Variants in TRPM3 observed in about 807,000 individuals in gnomAD.
TRPM3 encodes the protein long transient receptor potential channel 3.
In TRPM3, 77 loss-of-function variants were observed where a neutral mutation model predicts 181.2. The ratio of observed to expected loss-of-function variants is 0.42; its 90% CI spans 0.35 to 0.51. TRPM3 has a LOEUF of 0.51. Among genes scored for constraint, TRPM3 ranks in the 20% least tolerant of loss-of-function variants. TRPM3 has a pLI of 0.01. For synonymous variants in TRPM3, 745 were observed against 796.4 expected (o/e 0.94, Z 1.09); for missense variants, 1,759 against 2,196.7 (o/e 0.80, Z 3.98).
intron 1 of TRPM3, among the ~76,000 whole-genome samples, chr9:70,986,821 G>A (rs985816957): frequency 1.1e-4 from 16 of 151,942 alleles, no homozygotes; most frequent in African/African-American, 3.1e-4. Flanking sequence ...AGGAGGACAC[G>A]GTATATCAGT....
intron 6 of TRPM3, among the ~76,000 whole-genome samples, chr9:70,805,226 G>T (rs1399677482): frequency 1.3e-5 from 2 of 151,132 alleles, no homozygotes; most frequent in Admixed American, 6.6e-5. Context: ...AGACTGGGGT[G>T]GGGGAGGTGG....
intron 1 of TRPM3, among the ~76,000 whole-genome samples, chr9:71,414,495 T>C (rs974435662): frequency 6.6e-6 from 1 of 152,108 alleles, no homozygotes; most frequent in African/African-American, 2.4e-5. Flanking sequence ...AACAGATCCA[T>C]TAAAATCATT....
chr9:70,833,935 G>T (rs1348877326), intron 5 of TRPM3, among the ~76,000 whole-genome samples: 1 of 152,088 alleles, frequency 6.6e-6, no homozygotes, highest in Non-Finnish European at 1.5e-5. Context: ...CTGAGAAGTG[G>T]GAAGGAACCT....
In TRPM3 at chr9:70,635,272, T is replaced by TAA. The variant is rs779696829; in HGVS notation, c.1582-13_1582-12dup. Reference sequence around the variant, plus strand: ...TGAGGGCCCATGTCTCTGAAAACAATAAAGAAGAATCAAACAGTTTTGCTA... The same window carrying TAA: ...TGAGGGCCCATGTCTCTGAAAACAATAAAAAGAAGAATCAAACAGTTTTGCTA... On this transcript the variant is annotated splice_polypyrimidine_tract_variant and intron_variant, in intron 11 of 25. Transcript: ENST00000677713. 6.2e-7 allele frequency: 1 copy of TAA among 1,613,348 alleles called. No individual in the cohort carries two copies. Among genetic ancestry groups the TAA allele is most frequent in the African/African-American group, 1.3e-5 (1 of 74,950 alleles).
chr9:71,074,856 T>C (rs1295348763), intron 1 of TRPM3, among the ~76,000 whole-genome samples: 1 of 152,130 alleles, frequency 6.6e-6, no homozygotes, highest in Admixed American at 6.6e-5. Flanking sequence ...AAAGGCTAAC[T>C]TGAAATAACC....
chr9:70,887,278 T>C (rs1474166290), intron 1 of TRPM3, among the ~76,000 whole-genome samples: 1 of 152,136 alleles, frequency 6.6e-6, no homozygotes, highest in African/African-American at 2.4e-5. Context: ...CCTTCCTAAC[T>C]CCAATGTTGA....
intron 1 of TRPM3, among the ~76,000 whole-genome samples, chr9:71,094,439 C>T (rs1200285668): frequency 1.3e-5 from 2 of 152,112 alleles, no homozygotes; most frequent in Non-Finnish European, 1.5e-5. Flanking sequence ...TCTAGTCCTG[C>T]ATATCCTCAT....
At chr9:70,546,535 T>G (rs554661550) in intron 25 of TRPM3, among the ~76,000 whole-genome samples, 2 of 152,286 alleles carry the variant, frequency 1.3e-5, no homozygotes, top group Non-Finnish European at 2.9e-5. Context: ...AGTGCGTGGC[T>G]TACTGCCTGG....
At chr9:71,096,704 TG>T (rs2067342556) in intron 1 of TRPM3, among the ~76,000 whole-genome samples, 1 of 151,700 alleles carries the variant, frequency 6.6e-6, no homozygotes, top group Non-Finnish European at 1.5e-5. Flanking sequence ...TTTATTTACC[TG>T]GGGTGTTGCA....
chr9:71,102,635 C>A (rs2134075618), intron 1 of TRPM3, among the ~76,000 whole-genome samples: 1 of 152,236 alleles, frequency 6.6e-6, no homozygotes, highest in African/African-American at 2.4e-5. Flanking sequence ...TCTTAATCAC[C>A]TTTTAGATTT....
chr9:70,851,312 CAT>C (rs2095221454), intron 3 of TRPM3, among the ~76,000 whole-genome samples: 1 of 152,194 alleles, frequency 6.6e-6, no homozygotes. Context: ...TATTAACTCA[CAT>C]AGTGTGAAGG....
chr9:71,281,804 G>GTA (rs2132197235), intron 1 of TRPM3, among the ~76,000 whole-genome samples: 1 of 152,272 alleles, frequency 6.6e-6, no homozygotes, highest in South Asian at 2.1e-4. Context: ...GATCACACCT[G>GTA]TAATCCCAGC....
chr9:71,440,335 T>G (rs1376827088), intron 1 of TRPM3, among the ~76,000 whole-genome samples: 2 of 152,174 alleles, frequency 1.3e-5, no homozygotes, highest in Non-Finnish European at 2.9e-5. Flanking sequence ...TACTGTACCA[T>G]ACAAATATTT....
intron 1 of TRPM3, among the ~76,000 whole-genome samples, chr9:71,216,354 T>A (rs191766244): frequency 1.4e-3 from 209 of 152,334 alleles, no homozygotes; most frequent in African/African-American, 4.7e-3. Context: ...CTCATAGATG[T>A]CTAGTTCATG....
intron 22 of TRPM3, among the ~76,000 whole-genome samples, chr9:70,576,925 G>A (rs2054178261): frequency 6.6e-6 from 1 of 152,128 alleles, no homozygotes; most frequent in Admixed American, 6.6e-5. Flanking sequence ...TCTCTGTCTG[G>A]AATGTTCCTT....
At chr9:71,005,367 T>C (rs1025556132) in intron 1 of TRPM3, among the ~76,000 whole-genome samples, 2 of 151,954 alleles carry the variant, frequency 1.3e-5, no homozygotes, top group African/African-American at 4.8e-5. Context: ...GATCGCACCA[T>C]TGTACTCTAG....
At position 70,618,900 on chromosome 9, in the gene TRPM3, G is replaced by C. The variant is rs369163585; in HGVS notation, c.2325C>G (p.Gly775=). The part of the protein sequence containing the change: ...SQMLLTDMWM[G]RLRMRKNSGL... ...CTGAGTTCTTGCGCATGCGGAGCCGGCCCATCCACATGTCGGTGAGCAGCA... is the reference window on the plus strand; with the variant it reads ...CTGAGTTCTTGCGCATGCGGAGCCGCCCCATCCACATGTCGGTGAGCAGCA... Residue 775 remains glycine (G), a synonymous_variant, in exon 17 of 26, where the codon GGC becomes GGG. Coordinates refer to ENST00000677713, the MANE Select transcript of TRPM3 (RefSeq NM_001366145.2). 9 of 1,610,036 alleles carry C rather than the reference G, an allele frequency of 5.6e-6. No individual in the cohort carries two copies. In the Admixed American group the frequency reaches 1.5e-4, roughly 27 times the overall value.
intron 1 of TRPM3, among the ~76,000 whole-genome samples, chr9:71,244,424 T>A (rs2081913995): frequency 1.3e-5 from 2 of 152,144 alleles, no homozygotes; most frequent in Admixed American, 6.5e-5. Flanking sequence ...GTGCTCATAC[T>A]CTCAGCACTC....
intron 1 of TRPM3, among the ~76,000 whole-genome samples, chr9:71,084,869 C>T (rs1345480985): frequency 6.6e-6 from 1 of 152,004 alleles, no homozygotes; most frequent in African/African-American, 2.4e-5. Flanking sequence ...CGTTACCCAA[C>T]TTCAAACTAT....
Sources: gnomAD v4.1 joint callset for allele counts (sites outside exome capture counted in the v4.1 genomes callset) on GRCh38, gnomAD v4.1.1 for gene constraint, MANE v1.5 for transcripts, NCBI Gene and HGNC (gene_info 2026-07-23, HGNC 2026-07-21) for gene names.